Variants in DOCK3 observed in about 807,000 individuals in gnomAD.
DOCK3 encodes dedicator of cytokinesis protein 3.
In DOCK3, 60 loss-of-function variants were observed where a neutral mutation model predicts 265.6. The ratio of observed to expected loss-of-function variants is 0.23; its 90% CI spans 0.18 to 0.28. The LOEUF is 0.28. DOCK3 is among the 10% of genes least tolerant of loss of function. DOCK3 has a pLI of 1.00. For synonymous variants in DOCK3, 881 were observed against 938.0 expected (o/e 0.94, Z 1.11); for missense variants, 1,981 against 2,594.3 (o/e 0.76, Z 5.14).
chr3:51,102,749 G>T (rs1365412856), intron 9 of DOCK3, among the ~76,000 whole-genome samples: 4 of 152,122 alleles, frequency 2.6e-5, no homozygotes, highest in Non-Finnish European at 5.9e-5. Context: ...AGGTTAAATG[G>T]TATGAGAGAA....
intron 1 of DOCK3, among the ~76,000 whole-genome samples, chr3:50,703,514 A>G (rs1400321283): frequency 1.3e-5 from 2 of 148,666 alleles, no homozygotes; most frequent in Non-Finnish European, 3.0e-5. Context: ...ATTACTTACT[A>G]TTGGTCTGTT....
chr3:51,305,735 C>CTGTGT (rs945708613), intron 27 of DOCK3, among the ~76,000 whole-genome samples: 1 of 137,662 alleles, frequency 7.3e-6, no homozygotes, highest in Non-Finnish European at 1.5e-5. Flanking sequence ...TGTGTGTGCG[C>CTGTGT]GTGTGTGTGT....
intron 1 of DOCK3, among the ~76,000 whole-genome samples, chr3:50,729,693 AT>A (rs974324388): frequency 3.3e-5 from 5 of 151,080 alleles, no homozygotes; most frequent in South Asian, 2.1e-4. Context: ...AGACTAATTA[AT>A]TTTTTTTTAA....
At chr3:51,041,823 T>TAGAGG (rs1302714889) in intron 5 of DOCK3, among the ~76,000 whole-genome samples, 1 of 152,142 alleles carries the variant, frequency 6.6e-6, no homozygotes, top group African/African-American at 2.4e-5. Context: ...TTAACATAAT[T>TAGAGG]CTTAAAAGCC....
intron 9 of DOCK3, among the ~76,000 whole-genome samples, chr3:51,116,731 A>G (rs2083760221): frequency 6.6e-6 from 1 of 152,108 alleles, no homozygotes; most frequent in South Asian, 2.1e-4. Context: ...GCAATTTTCA[A>G]CGGGAGTTCA....
chr3:50,778,787 TTG>T, intron 2 of DOCK3, 29 bp downstream of exon 2: 1 of 1,488,134 alleles, frequency 6.7e-7, no homozygotes, highest in Non-Finnish European at 9.2e-7. Flanking sequence ...AGCACATAAA[TTG>T]TGATCATTTT....
chr3:50,948,316 A>G (rs1387408907), intron 5 of DOCK3, among the ~76,000 whole-genome samples: 2 of 151,184 alleles, frequency 1.3e-5, no homozygotes, highest in East Asian at 3.9e-4. Context: ...TGGCCTCCCA[A>G]AGTGCTGGGA....
chr3:50,889,110 T>C (rs1186620046), intron 3 of DOCK3, among the ~76,000 whole-genome samples: 1 of 149,040 alleles, frequency 6.7e-6, no homozygotes, highest in African/African-American at 2.5e-5. Flanking sequence ...TGTGTGTGTG[T>C]GTTTAAGACA....
intron 5 of DOCK3, among the ~76,000 whole-genome samples, chr3:51,023,245 CT>C (rs879648634): frequency 0.015 from 2,199 of 147,124 alleles, 36 homozygotes; most frequent in Middle Eastern, 0.049. Context: ...TATTCATTTC[CT>C]TTTTTTTTTT....
chr3:51,319,842 C>T (rs992995221), intron 32 of DOCK3, among the ~76,000 whole-genome samples: 27 of 145,664 alleles, frequency 1.9e-4, no homozygotes, highest in African/African-American at 3.8e-4. Context: ...TTCACCCTGG[C>T]GACAGAGCGA....
chr3:50,763,101 A>G (rs2040631135), intron 1 of DOCK3, among the ~76,000 whole-genome samples: 1 of 152,128 alleles, frequency 6.6e-6, no homozygotes, highest in South Asian at 2.1e-4. Context: ...GTAAGTTCAG[A>G]TGCTTTTCAA....
At chr3:51,336,516 C>A (rs571037916) in intron 35 of DOCK3, among the ~76,000 whole-genome samples, 1 of 152,252 alleles carries the variant, frequency 6.6e-6, no homozygotes, top group African/African-American at 2.4e-5. Context: ...CCAGCCAGCC[C>A]ACTACTCAGG....
chr3:51,325,225 A>G (rs2084018746), intron 32 of DOCK3, among the ~76,000 whole-genome samples: 1 of 152,164 alleles, frequency 6.6e-6, no homozygotes, highest in African/African-American at 2.4e-5. Flanking sequence ...CAAGAAAAAA[A>G]AAACCCTATC....
intron 2 of DOCK3, among the ~76,000 whole-genome samples, chr3:50,789,948 G>A (rs67410403): frequency 0.094 from 14,369 of 152,152 alleles, 845 homozygotes; most frequent in Non-Finnish European, 0.12. Context: ...TGGCCAGACC[G>A]GTCTGGAACT....
intron 12 of DOCK3, among the ~76,000 whole-genome samples, chr3:51,197,598 G>A (rs1264260753): frequency 2.0e-5 from 3 of 152,134 alleles, no homozygotes; most frequent in Non-Finnish European, 4.4e-5. Flanking sequence ...CCAGGACCCT[G>A]GTCTGTGTTC....
At position 51,144,357 on chromosome 3, in the gene DOCK3, C is replaced by T. The variant is rs548603624; in HGVS notation, c.747-2192C>T. ...GCCAGAATCACCAGTGATCTGTGTT[C>T]GAGAGTTTTGTCCTTGTTACATGTG... On this transcript the variant is annotated intron_variant, in intron 9 of 52. Transcript: ENST00000266037. Among the ~76,000 whole-genome samples the T allele has an allele frequency of 9.9e-5, 15 of 152,272 alleles. No individual in the cohort carries two copies. The South Asian group carries it at 2.9e-3, about 29-fold the overall frequency.
intron 4 of DOCK3, among the ~76,000 whole-genome samples, chr3:50,919,837 A>G (rs1389709302): frequency 6.6e-6 from 1 of 152,216 alleles, no homozygotes; most frequent in East Asian, 1.9e-4. Context: ...CCAGTTTTCA[A>G]AGGGAATGCT....
At chr3:50,825,136 C>A (rs1219418498) in intron 2 of DOCK3, among the ~76,000 whole-genome samples, 1 of 152,130 alleles carries the variant, frequency 6.6e-6, no homozygotes, top group Non-Finnish European at 1.5e-5. Flanking sequence ...AAATTTGCTA[C>A]CACGTTGAAA....
intron 1 of DOCK3, among the ~76,000 whole-genome samples, chr3:50,689,950 A>G (rs1022763844): frequency 1.3e-5 from 2 of 151,952 alleles, no homozygotes; most frequent in Non-Finnish European, 2.9e-5. Flanking sequence ...GTGTCTCTAG[A>G]TGTACAAAAA....
Sources: gnomAD v4.1 joint callset for allele counts (sites outside exome capture counted in the v4.1 genomes callset) on GRCh38, gnomAD v4.1.1 for gene constraint, MANE v1.5 for transcripts, NCBI Gene and HGNC (gene_info 2026-07-23, HGNC 2026-07-21) for gene names.